KCNH1: variants seen among roughly 807,000 people sequenced by gnomAD.
KCNH1 encodes voltage-gated delayed rectifier potassium channel KCNH1.
Under a neutral mutation model 69.2 loss-of-function variants are expected in KCNH1, and 27 were observed. That is an observed-to-expected ratio of 0.39 (90% CI 0.29 to 0.54). KCNH1 has a LOEUF of 0.54. Among genes scored for constraint, KCNH1 ranks in the 20% least tolerant of loss-of-function variants. The pLI is 0.68. For synonymous variants in KCNH1, 456 were observed against 487.7 expected (o/e 0.93, Z 0.86); for missense variants, 798 against 1,261.6 (o/e 0.63, Z 5.57).
At chr1:210,873,490 G>T (rs1686294938) in intron 7 of KCNH1, among the ~76,000 whole-genome samples, 1 of 152,092 alleles carries the variant, frequency 6.6e-6, no homozygotes. Flanking sequence ...TGGGACTACA[G>T]GTGCATGCCA....
At chr1:210,815,513 T>C (rs2358093) in intron 7 of KCNH1, among the ~76,000 whole-genome samples, 34,643 of 152,032 alleles carry the variant, frequency 0.23, 4,285 homozygotes, top group East Asian at 0.5. Context: ...TTCTAAGAGA[T>C]GGTTTAATTA....
Position 210,816,311 on chromosome 1 carries a change from G to T in KCNH1, c.1463-12145C>A, listed in dbSNP as rs1684814726. 2.0e-5 allele frequency among the ~76,000 whole-genome samples: 3 copies of T among 152,116 alleles called. 1 individual carries two copies. In the South Asian group the frequency reaches 6.2e-4, roughly 31 times the overall value. ...CACTTAACAAGCACAGTTCTTACAG[G>T]GGAGACAGAAGGTTATTTTCAGCTA... On this transcript the variant is annotated intron_variant, in intron 7 of 10. Coordinates refer to ENST00000271751, the MANE Select transcript of KCNH1 (RefSeq NM_172362.3).
rs577047726 is a variant in KCNH1, at chr1:211,040,594, G to C, written c.559-21338C>G. On this transcript the variant is annotated intron_variant, in intron 5 of 10. Transcript: ENST00000271751. ...AATCTCTTTTTCTTCCCAGTCTTGG[G>C]TATGTCTTTATCAGCAGCATGAAAA... is the stretch of plus-strand genomic sequence containing the variant. Among the ~76,000 whole-genome samples, 4 of 152,224 alleles carry C rather than the reference G, an allele frequency of 2.6e-5. No homozygotes were observed. In the South Asian group the frequency reaches 8.3e-4, roughly 32 times the overall value.
chr1:211,112,308 C>T (rs1443675447), intron 1 of KCNH1, among the ~76,000 whole-genome samples: 2 of 142,416 alleles, frequency 1.4e-5, no homozygotes. Flanking sequence ...ACCCCTCCAC[C>T]CCTCCCCCGG....
At chr1:210,946,820 C>A (rs1336609520) in intron 6 of KCNH1, among the ~76,000 whole-genome samples, 3 of 152,256 alleles carry the variant, frequency 2.0e-5, no homozygotes, top group African/African-American at 4.8e-5. Flanking sequence ...GGTTTCCATG[C>A]CCAAATGATG....
intron 6 of KCNH1, among the ~76,000 whole-genome samples, chr1:210,961,780 C>T (rs2102357118): frequency 6.6e-6 from 1 of 151,044 alleles, no homozygotes; most frequent in East Asian, 2.0e-4. Context: ...GCAGAGGTTA[C>T]AGGGAGCTGA....
chr1:211,030,840 C>T (rs80135942), intron 5 of KCNH1, among the ~76,000 whole-genome samples: 10,165 of 151,668 alleles, frequency 0.067, 888 homozygotes, highest in African/African-American at 0.21. Flanking sequence ...GCAAAGCAAA[C>T]GTCAAATAAA....
At position 210,683,900 on chromosome 1, in the gene KCNH1, T is replaced by C; in HGVS notation, c.2351A>G (p.Lys784Arg). The change falls in exon 11 of 11, where the codon AAG becomes AGG. Residue 784 changes from lysine (K) to arginine (R), a missense_variant. Around this residue, in one of 4 missense-constraint regions of KCNH1, gnomAD observed 331 missense variants for 363.2 expected, o/e 0.91. Transcript: ENST00000271751. This position sits in a 1 kb window ranked among gnomAD's most constrained non-coding sequence, Gnocchi z 5.7. ...EHASANHSLV[K>R]ASVVTVRESP... ...CTCACGCACGGTGACCACGCTGGCC[T>C]TCACGAGGCTGTGGTTGGCGGAGGC... 6.2e-7 allele frequency: 1 copy of C among 1,613,536 alleles called. No homozygotes were observed. Among genetic ancestry groups the C allele is most frequent in the Non-Finnish European group, 8.5e-7 (1 of 1,179,482 alleles).
chr1:210,885,788 C>G (rs1437030077), intron 7 of KCNH1, among the ~76,000 whole-genome samples: 1 of 152,152 alleles, frequency 6.6e-6, no homozygotes, highest in African/African-American at 2.4e-5. Context: ...GAAGTTCAAA[C>G]TGGGCGAAGC....
intron 7 of KCNH1, among the ~76,000 whole-genome samples, chr1:210,894,953 C>A (rs1191418948): frequency 6.6e-6 from 1 of 151,520 alleles, no homozygotes; most frequent in African/African-American, 2.4e-5. Context: ...TCATCAGATC[C>A]ACACTCTCAG....
intron 10 of KCNH1, among the ~76,000 whole-genome samples, chr1:210,768,845 G>A (rs1357769733): frequency 6.6e-6 from 1 of 152,112 alleles, no homozygotes; most frequent in Non-Finnish European, 1.5e-5. Flanking sequence ...TCTGCTAAAT[G>A]TTCTCGGGGT....
intron 10 of KCNH1, among the ~76,000 whole-genome samples, chr1:210,737,460 C>T (rs1265318773): frequency 1.3e-5 from 2 of 152,172 alleles, no homozygotes; most frequent in African/African-American, 4.8e-5. Context: ...ACTCTTTCTA[C>T]TCAGGATTCA....
At chr1:210,814,842 T>C (rs1021745606) in intron 7 of KCNH1, among the ~76,000 whole-genome samples, 10 of 152,214 alleles carry the variant, frequency 6.6e-5, no homozygotes, top group Non-Finnish European at 2.9e-5. Context: ...TGAATGATTA[T>C]ACTCCTACTG....
At chr1:211,112,025 G>A (rs1399504537) in intron 1 of KCNH1, among the ~76,000 whole-genome samples, 5 of 146,906 alleles carry the variant, frequency 3.4e-5, no homozygotes, top group Admixed American at 1.4e-4. Context: ...AGTGAGGAGC[G>A]CCTCTGCCTG....
At chr1:210,709,723 AGAG>A (rs914373181) in intron 10 of KCNH1, among the ~76,000 whole-genome samples, 50 of 63,670 alleles carry the variant, frequency 7.9e-4, no homozygotes, top group Non-Finnish European at 1.1e-3. Flanking sequence ...GAAAGAAAGA[AGAG>A]AGAGAGAGAG....
In KCNH1 at chr1:210,837,592, T is replaced by A; in HGVS notation, c.1463-33426A>T. ...GCTTGGAAACTAGAATCAAGTCACT[T>A]CATTACTCTGAAACTCAGGATTCTT... On this transcript the variant is annotated intron_variant, in intron 7 of 10. Transcript: ENST00000271751. Among the ~76,000 whole-genome samples, 2 of 152,196 alleles carry A rather than the reference T, an allele frequency of 1.3e-5. 1 individual carries two copies. Among genetic ancestry groups the A allele is most frequent in the Non-Finnish European group, 2.9e-5 (2 of 68,044 alleles).
intron 3 of KCNH1, among the ~76,000 whole-genome samples, chr1:211,096,354 G>A (rs562700813): frequency 5.9e-5 from 9 of 152,088 alleles, no homozygotes; most frequent in East Asian, 1.9e-4. Context: ...GTGAGCCACC[G>A]TGCCTGGCCC....
intron 5 of KCNH1, among the ~76,000 whole-genome samples, chr1:211,045,818 C>T (rs1374383698): frequency 6.6e-6 from 1 of 152,100 alleles, no homozygotes; most frequent in Non-Finnish European, 1.5e-5. Flanking sequence ...ACTTTGTGCC[C>T]TTTGACTAAT....
At chr1:211,030,309 A>G (rs1016542893) in intron 5 of KCNH1, among the ~76,000 whole-genome samples, 13 of 152,210 alleles carry the variant, frequency 8.5e-5, no homozygotes, top group African/African-American at 2.7e-4. Flanking sequence ...TTATACTTCA[A>G]TAAAGCTGTT....
Sources: allele counts gnomAD v4.1 joint callset (sites outside exome capture counted in the v4.1 genomes callset), GRCh38; gene constraint gnomAD v4.1.1; regional missense constraint gnomAD v4.1.1; non-coding constraint Gnocchi (gnomAD v3.1); transcripts MANE v1.5; gene names NCBI Gene and HGNC (gene_info 2026-07-23, HGNC 2026-07-21).